Variants in MKX observed in about 807,000 individuals in gnomAD.
MKX encodes the protein homeobox protein Mohawk.
Under a neutral mutation model 36.0 loss-of-function variants are expected in MKX, and 13 were observed. The ratio of observed to expected loss-of-function variants is 0.36; its 90% confidence interval spans 0.24 to 0.57. The LOEUF is 0.57. Among genes scored for constraint, MKX ranks in the 20% least tolerant of loss-of-function variants. MKX has a pLI of 0.79. For missense variants in MKX, 458 were observed against 456.4 expected (o/e 1.00, Z -0.03); for synonymous variants, 176 against 178.3 (o/e 0.99, Z 0.10).
At chr10:27,730,243 C>T (rs370093590) in intron 5 of MKX, among the ~76,000 whole-genome samples, 84 of 152,192 alleles carry the variant, frequency 5.5e-4, no homozygotes, top group Non-Finnish European at 4.4e-5. Flanking sequence ...CCTGCTATGA[C>T]CCTGGCATGA....
At chr10:27,725,897 A>T (rs745617536) in intron 5 of MKX, among the ~76,000 whole-genome samples, 1 of 152,116 alleles carries the variant, frequency 6.6e-6, no homozygotes, top group Non-Finnish European at 1.5e-5. Flanking sequence ...TACATAGGAG[A>T]AGAAAGAAAA....
intron 5 of MKX, among the ~76,000 whole-genome samples, chr10:27,679,725 G>A (rs2637276): frequency 0.43 from 65,111 of 152,026 alleles, 16,792 homozygotes; most frequent in Non-Finnish European, 0.61. Flanking sequence ...GAGAAATGTC[G>A]CAGCTTTTAG....
At chr10:27,693,593 A>G (rs1445126174) in intron 5 of MKX, among the ~76,000 whole-genome samples, 1 of 152,172 alleles carries the variant, frequency 6.6e-6, no homozygotes, top group Non-Finnish European at 1.5e-5. Flanking sequence ...ATATGATTTA[A>G]ATGAATTTAA....
intron 5 of MKX, among the ~76,000 whole-genome samples, chr10:27,721,260 G>GA (rs11337542): frequency 4.8e-5 from 7 of 147,056 alleles, no homozygotes; most frequent in African/African-American, 5.0e-5. Context: ...AGAATATTTT[G>GA]AAAAAAAAAA....
chr10:27,686,392 GGAAAGGAAGGAA>G (rs1836351063), intron 5 of MKX, among the ~76,000 whole-genome samples: 1 of 79,892 alleles, frequency 1.3e-5, no homozygotes, highest in Non-Finnish European at 2.0e-5. Flanking sequence ...GGAAGGGAAG[GGAAAGGAAGGAA>G]GGAAGGAAGG....
intron 5 of MKX, among the ~76,000 whole-genome samples, chr10:27,708,967 G>A (rs1836806057): frequency 6.6e-6 from 1 of 152,050 alleles, no homozygotes; most frequent in African/African-American, 2.4e-5. Flanking sequence ...TCAGGAGTTC[G>A]AGACCAGCCT....
intron 2 of MKX, 30 bp downstream of exon 2, chr10:27,743,198 C>T (rs1338961520): frequency 7.0e-7 from 1 of 1,431,190 alleles, no homozygotes. Flanking sequence ...GGGCCGCAGG[C>T]GGGCAGGGCC....
intron 5 of MKX, among the ~76,000 whole-genome samples, chr10:27,695,344 C>T (rs1327943403): frequency 5.9e-5 from 9 of 151,832 alleles, no homozygotes; most frequent in Non-Finnish European, 1.2e-4. Flanking sequence ...GAGCCACTGT[C>T]GCAGGCCTCT....
chr10:27,712,851 G>T (rs909096172), intron 5 of MKX, among the ~76,000 whole-genome samples: 4 of 152,114 alleles, frequency 2.6e-5, no homozygotes, highest in Non-Finnish European at 5.9e-5. Flanking sequence ...GTGGGGGGAC[G>T]GCTTGAGCCC....
chr10:27,728,056 T>C (rs1834531214), intron 5 of MKX, among the ~76,000 whole-genome samples: 1 of 152,216 alleles, frequency 6.6e-6, no homozygotes, highest in African/African-American at 2.4e-5. Flanking sequence ...TGTCACTCGC[T>C]GGACTGGTGA....
chr10:27,712,714 A>G (rs1004169340), intron 5 of MKX, among the ~76,000 whole-genome samples: 2 of 152,166 alleles, frequency 1.3e-5, no homozygotes, highest in African/African-American at 4.8e-5. Context: ...TTTGGGATGC[A>G]GAGGTGGGAG....
rs1007428887 is a variant in MKX, at chr10:27,675,055, G to GT, written c.*173dup. 7 of 526,828 alleles carry GT rather than the reference G, an allele frequency of 1.3e-5. No individual in the cohort carries two copies. Among genetic ancestry groups the GT allele is most frequent in the South Asian group, 4.0e-5 (1 of 25,220 alleles). 32.6% of individuals were successfully genotyped at this position (526,828 alleles called of 1,614,324 possible). ...AAGTTAATATTTTTGATTAAAATGA[G>GT]TTTTTTATAATTTATATGTCTTTTA... On this transcript the variant is annotated 3_prime_UTR_variant, in exon 7 of 7. Transcript: ENST00000419761.
chr10:27,675,069 A>T lies in MKX; in HGVS notation c.*160T>A, dbSNP rs1019999735. The stretch of plus-strand genomic sequence containing the variant: ...GATTAAAATGAGTTTTTTATAATTT[A>T]TATGTCTTTTATAGAAGCAACTAAA... On this transcript the variant is annotated 3_prime_UTR_variant, in exon 7 of 7. Coordinates refer to ENST00000419761, the MANE Select transcript of MKX (RefSeq NM_173576.3). 5.3e-6 allele frequency: 3 copies of T among 566,284 alleles called. No homozygotes were observed. Among genetic ancestry groups the T allele is most frequent in the Non-Finnish European group, 8.7e-6 (3 of 344,978 alleles). The allele number at this position is 566,284 out of a possible 1,614,324, so 35.1% of individuals were successfully genotyped here.
At chr10:27,685,213 A>G (rs2132499169) in intron 5 of MKX, among the ~76,000 whole-genome samples, 1 of 132,654 alleles carries the variant, frequency 7.5e-6, no homozygotes, top group African/African-American at 2.8e-5. Context: ...TGCAAAGACC[A>G]TGGCAAGGCT....
intron 5 of MKX, among the ~76,000 whole-genome samples, chr10:27,710,261 T>C (rs1307453465): frequency 2.6e-5 from 4 of 152,212 alleles, no homozygotes; most frequent in African/African-American, 7.2e-5. Context: ...ATTCCTAGAA[T>C]TGTCCTGCAA....
intron 5 of MKX, among the ~76,000 whole-genome samples, chr10:27,689,871 A>G (rs1357923083): frequency 1.3e-5 from 2 of 152,212 alleles, no homozygotes; most frequent in African/African-American, 2.4e-5. Flanking sequence ...CCTGCCAAGG[A>G]GAACCGGTTC....
At chr10:27,711,080 T>G (rs1836842180) in intron 5 of MKX, among the ~76,000 whole-genome samples, 1 of 152,210 alleles carries the variant, frequency 6.6e-6, no homozygotes. Context: ...ACTTTTCAAG[T>G]AAGATGATAA....
intron 5 of MKX, among the ~76,000 whole-genome samples, chr10:27,698,751 C>T (rs1433498976): frequency 1.3e-5 from 2 of 151,968 alleles, no homozygotes; most frequent in African/African-American, 2.4e-5. Flanking sequence ...AAGAAAACCG[C>T]GATGCGAAAT....
intron 5 of MKX, among the ~76,000 whole-genome samples, chr10:27,715,617 C>T (rs1836950107): frequency 6.6e-6 from 1 of 152,144 alleles, no homozygotes; most frequent in African/African-American, 2.4e-5. Flanking sequence ...AAGGTACCTA[C>T]TTCATGGGGT....
Sources: gnomAD v4.1 joint callset for allele counts (sites outside exome capture counted in the v4.1 genomes callset) on GRCh38, gnomAD v4.1.1 for gene constraint, MANE v1.5 for transcripts, NCBI Gene and HGNC (gene_info 2026-07-23, HGNC 2026-07-21) for gene names.